Variants in PCNX1 observed in about 807,000 individuals in gnomAD.
The protein encoded by PCNX1 is pecanex 1, also known as pecanex-like protein 1.
In PCNX1, 78 loss-of-function variants were observed where a neutral mutation model predicts 242.2. The observed-to-expected ratio is 0.32, with a 90% confidence interval of 0.27 to 0.39. The LOEUF (loss-of-function observed/expected upper bound fraction) is 0.39, where lower values mean the gene tolerates loss of function less well. Ranked by LOEUF, PCNX1 falls within the 10% of genes least tolerant of loss-of-function variation. The probability of loss-of-function intolerance (pLI) is 1.00; values close to 1 mark genes in which losing one functional copy is unlikely to be tolerated. For synonymous variants in PCNX1, 1,024 were observed against 1,032.9 expected, an observed-to-expected ratio of 0.99 and a Z score of 0.17; for missense variants, 2,581 against 2,856.5, an observed-to-expected ratio of 0.90 and a Z score of 2.20.
At chr14:71,054,787 G>C (rs2061135880) in intron 24 of PCNX1, among the ~76,000 whole-genome samples, 2 of 152,246 alleles carry the variant, frequency 1.3e-5, no homozygotes, top group South Asian at 4.1e-4. Flanking sequence ...GTATTAAAAA[G>C]GCCTTTACTG....
At chr14:70,980,563 A>G (rs370293601) in intron 6 of PCNX1, among the ~76,000 whole-genome samples, 531 of 152,046 alleles carry the variant, frequency 3.5e-3, no homozygotes, top group African/African-American at 0.012. Context: ...AAAGCACTTA[A>G]ATGTGTTGGG....
intron 26 of PCNX1, among the ~76,000 whole-genome samples, chr14:71,068,312 CAG>C (rs1479637972): frequency 6.6e-6 from 1 of 151,480 alleles, no homozygotes; most frequent in Non-Finnish European, 1.5e-5. Context: ...GCTTGGGTGA[CAG>C]AGTGAGACTC....
chr14:71,098,569 A>AGAG (rs1555379125), intron 30 of PCNX1, among the ~76,000 whole-genome samples: 2 of 147,530 alleles, frequency 1.4e-5, no homozygotes, highest in South Asian at 2.2e-4. Context: ...AGAGAGAGAG[A>AGAG]ACATTGTAGA....
At chr14:71,039,287 A>G (rs1348520345) in intron 19 of PCNX1, among the ~76,000 whole-genome samples, 1 of 152,178 alleles carries the variant, frequency 6.6e-6, no homozygotes, top group Non-Finnish European at 1.5e-5. Flanking sequence ...TCTCTGGGTT[A>G]TGAATCTGGG....
At chr14:71,100,820 A>AGT (rs2062443804) in intron 30 of PCNX1, among the ~76,000 whole-genome samples, 1 of 151,970 alleles carries the variant, frequency 6.6e-6, no homozygotes, top group African/African-American at 2.4e-5. Flanking sequence ...TGTCTGACTG[A>AGT]GTTATTCCAG....
rs1191079531 is a variant in PCNX1, at chr14:71,089,321, T to C, written c.5568T>C (p.Arg1856=). 1 of 1,612,274 alleles carries C rather than the reference T, an allele frequency of 6.2e-7. No homozygotes were observed. The highest frequency in any genetic ancestry group is 8.5e-7 in the Non-Finnish European group (1 of 1,178,922). The change falls in exon 30 of 36, where the codon CGT becomes CGC. Residue 1856 remains arginine, a synonymous_variant. Transcript: ENST00000304743. ...LLRKVVVPGI[R]MSIKLHQDHF... ...GAAAAGTAGTAGTCCCTGGGATCCG[T>C]ATGTCCATTAAACTTCATCAGGTAA...
intron 1 of PCNX1, among the ~76,000 whole-genome samples, chr14:70,915,956 ATGAAGGG>A (rs2056136222): frequency 6.6e-6 from 1 of 152,198 alleles, no homozygotes; most frequent in Non-Finnish European, 1.5e-5. Flanking sequence ...AGGATGAAGG[ATGAAGGG>A]ATAAATCATG....
chr14:70,918,788 T>G (rs2056251121), intron 1 of PCNX1, among the ~76,000 whole-genome samples: 1 of 152,214 alleles, frequency 6.6e-6, no homozygotes, highest in African/African-American at 2.4e-5. Flanking sequence ...TTGAGAGTAC[T>G]TGTTTTCCCA....
chr14:70,994,016 G>T (rs1316815802), intron 7 of PCNX1, among the ~76,000 whole-genome samples: 1 of 151,976 alleles, frequency 6.6e-6, no homozygotes, highest in African/African-American at 2.4e-5. Flanking sequence ...TATCATTATG[G>T]CTTAAAAAAT....
chr14:71,038,187 C>A, intron 19 of PCNX1, among the ~76,000 whole-genome samples: 2 of 70,328 alleles, frequency 2.8e-5, no homozygotes, highest in African/African-American at 5.6e-5. Context: ...GTCTAAAACA[C>A]CAAAAGCAAT....
intron 13 of PCNX1, among the ~76,000 whole-genome samples, chr14:71,025,645 A>T (rs574535364): frequency 1.3e-5 from 2 of 152,128 alleles, no homozygotes; most frequent in East Asian, 1.9e-4. Flanking sequence ...TGGGAGCCCA[A>T]TGTGGGCAGA....
intron 2 of PCNX1, among the ~76,000 whole-genome samples, chr14:70,956,576 A>G (rs761984476): frequency 1.4e-4 from 22 of 151,938 alleles, no homozygotes; most frequent in Non-Finnish European, 3.2e-4. Flanking sequence ...AACAAAACAA[A>G]ACAAAAACAC....
chr14:70,910,207 G>GTCCTCC (rs750642409), intron 1 of PCNX1, among the ~76,000 whole-genome samples: 16 of 13,176 alleles, frequency 1.2e-3, no homozygotes, highest in African/African-American at 2.8e-3. Flanking sequence ...CCTCCTCCTC[G>GTCCTCC]TCCTCCTCCT....
chr14:71,090,044 T>G (rs1595481413), intron 30 of PCNX1, among the ~76,000 whole-genome samples: 1 of 152,204 alleles, frequency 6.6e-6, no homozygotes, highest in African/African-American at 2.4e-5. Context: ...TTCCTGCCTA[T>G]TCCCTGTATG....
rs1319010528 is a variant in PCNX1 at position 70,972,041 on chromosome 14, C to T, written c.604+2931C>T. Among the ~76,000 whole-genome samples the T allele has an allele frequency of 5.3e-5, 8 of 152,198 alleles. No individual in the cohort carries two copies. In the East Asian group the frequency reaches 1.5e-3, roughly 29 times the overall value. ...CAAAAGTTGAAGCAGGGACCTCACT[C>T]AGCAGATTATTGCAGCAATCCAGAA... is the stretch of plus-strand genomic sequence containing the variant. On this transcript the variant is annotated intron_variant, in intron 5 of 35. Coordinates refer to ENST00000304743, the MANE Select transcript of PCNX1 (RefSeq NM_014982.3).
chr14:70,911,758 A>G (rs1409953405), intron 1 of PCNX1, among the ~76,000 whole-genome samples: 1 of 152,160 alleles, frequency 6.6e-6, no homozygotes, highest in African/African-American at 2.4e-5. Context: ...AGAAGAAATT[A>G]TTTACCTTCA....
intron 7 of PCNX1, among the ~76,000 whole-genome samples, chr14:70,990,734 C>G (rs1566667706): frequency 6.6e-6 from 1 of 152,002 alleles, no homozygotes; most frequent in Non-Finnish European, 1.5e-5. Context: ...TTTTCTGAGC[C>G]CTTTGTTTTT....
At chr14:71,081,458 CG>C (rs1286756409) in intron 28 of PCNX1, among the ~76,000 whole-genome samples, 2 of 152,064 alleles carry the variant, frequency 1.3e-5, no homozygotes, top group African/African-American at 4.8e-5. Flanking sequence ...AGCTCTTCTT[CG>C]TACCTCTGGT....
intron 26 of PCNX1, among the ~76,000 whole-genome samples, chr14:71,060,132 A>G (rs892165635): frequency 7.2e-4 from 109 of 152,308 alleles, no homozygotes; most frequent in African/African-American, 2.5e-3. Context: ...ACATATCACA[A>G]TGGTCCCTTA....
Sources: allele counts gnomAD v4.1 joint callset (sites outside exome capture counted in the v4.1 genomes callset), GRCh38; gene constraint gnomAD v4.1.1; transcripts MANE v1.5; gene names NCBI Gene and HGNC (gene_info 2026-07-23, HGNC 2026-07-21).